Variants in SLC38A8 observed in about 807,000 individuals in gnomAD.
The protein encoded by SLC38A8 is solute carrier family 38 member 8, also known as amino acid transporter SLC38A8.
A neutral mutation model predicts 46.0 loss-of-function variants in SLC38A8; 65 were observed. That is an observed-to-expected ratio of 1.41 (90% CI 1.16 to 1.74). The LOEUF is 1.74. Among genes scored for constraint, SLC38A8 ranks in the 40% most tolerant of loss-of-function variants. SLC38A8 has a pLI of 0.00. For synonymous variants in SLC38A8, 447 were observed against 243.7 expected (o/e 1.83, Z -7.77); for missense variants, 998 against 567.9 (o/e 1.76, Z -7.70).
In SLC38A8 at chr16:84,024,703, C is replaced by G. The variant is rs574597538; in HGVS notation, c.691-1814G>C. 7.9e-5 allele frequency among the ~76,000 whole-genome samples: 12 copies of G among 152,190 alleles called. No homozygotes were observed. In the East Asian group the frequency reaches 2.4e-3, roughly 30 times the overall value. ...GGCTAAGGCAGGAGAGTCGCTCAAGCCTGGGAGGCAGAGTCTCGCTCTGTC... is the reference window on the plus strand; with the variant it reads ...GGCTAAGGCAGGAGAGTCGCTCAAGGCTGGGAGGCAGAGTCTCGCTCTGTC... On this transcript the variant is annotated intron_variant, in intron 6 of 10. Transcript: ENST00000299709.
intron 6 of SLC38A8, among the ~76,000 whole-genome samples, chr16:84,023,483 G>A (rs553831017): frequency 6.6e-6 from 1 of 152,208 alleles, no homozygotes; most frequent in East Asian, 1.9e-4. Flanking sequence ...TGCCCACCAA[G>A]AGCAGAGGGC....
At chr16:84,038,178 G>A (rs2085323356) in intron 2 of SLC38A8, among the ~76,000 whole-genome samples, 1 of 151,972 alleles carries the variant, frequency 6.6e-6, no homozygotes, top group African/African-American at 2.4e-5. Context: ...AGGCATGGTG[G>A]CACATGCCTG....
At chr16:84,012,252 G>A (rs548518119) in intron 10 of SLC38A8, among the ~76,000 whole-genome samples, 10 of 152,334 alleles carry the variant, frequency 6.6e-5, no homozygotes, top group South Asian at 2.1e-4. Context: ...ACCCAGGGGC[G>A]GCTGAGGAAG....
chr16:84,013,435 T>TTTTGTTG (rs2084980913), intron 9 of SLC38A8, among the ~76,000 whole-genome samples: 1 of 130,696 alleles, frequency 7.7e-6, no homozygotes, highest in Non-Finnish European at 1.6e-5. Context: ...TTTTTTTTTT[T>TTTTGTTG]TTTTTTTTTT....
At chr16:84,031,441 C>T (rs1431634802) in intron 5 of SLC38A8, among the ~76,000 whole-genome samples, 2 of 152,212 alleles carry the variant, frequency 1.3e-5, no homozygotes, top group Admixed American at 6.5e-5. Flanking sequence ...AACTCCTCGC[C>T]GTGGCTCTGA....
intron 1 of SLC38A8, 71 bp downstream of exon 1, chr16:84,042,480 C>G (rs532190257): frequency 5.9e-5 from 14 of 237,682 alleles, no homozygotes; most frequent in African/African-American, 2.0e-4. Context: ...CTCTCTCCCC[C>G]CATTCCCATC....
chr16:84,018,694 G>A (rs1056486179), intron 7 of SLC38A8, among the ~76,000 whole-genome samples: 7 of 152,256 alleles, frequency 4.6e-5, no homozygotes, highest in East Asian at 1.9e-4. Flanking sequence ...AAAAGCCTAC[G>A]GATCTTATTA....
At chr16:84,024,763 C>T (rs563193637) in intron 6 of SLC38A8, among the ~76,000 whole-genome samples, 9 of 152,268 alleles carry the variant, frequency 5.9e-5, no homozygotes, top group South Asian at 4.1e-4. Context: ...GAACTTGGCT[C>T]GCCGCAACCT....
chr16:84,019,670 T>C (rs1321979704), intron 7 of SLC38A8, among the ~76,000 whole-genome samples: 3 of 152,198 alleles, frequency 2.0e-5, no homozygotes, highest in Non-Finnish European at 4.4e-5. Context: ...AAGTCTTCAT[T>C]CGCTCCAGCA....
chr16:84,026,332 G>C (rs993845666), intron 6 of SLC38A8, among the ~76,000 whole-genome samples: 5 of 152,114 alleles, frequency 3.3e-5, no homozygotes, highest in Non-Finnish European at 5.9e-5. Context: ...TGGGTTCAAG[G>C]GATTCTGATT....
intron 6 of SLC38A8, among the ~76,000 whole-genome samples, chr16:84,027,264 C>A (rs1021733169): frequency 1.3e-5 from 2 of 152,150 alleles, no homozygotes; most frequent in Admixed American, 6.5e-5. Context: ...GCAGGAGAAT[C>A]GCTTGAACCC....
chr16:84,042,446 C>T (rs1463354079), intron 1 of SLC38A8, 105 bp downstream of exon 1: 1 of 325,618 alleles, frequency 3.1e-6, no homozygotes, highest in Admixed American at 4.6e-5. Flanking sequence ...CCCAAACCCC[C>T]AACCTTCCTC....
chr16:84,027,111 G>T (rs1169866011), intron 6 of SLC38A8, among the ~76,000 whole-genome samples: 3 of 152,108 alleles, frequency 2.0e-5, no homozygotes, highest in African/African-American at 7.2e-5. Flanking sequence ...CAGCACTTTG[G>T]GAGGCTGAGG....
chr16:84,018,893 G>C (rs571855868), intron 7 of SLC38A8, among the ~76,000 whole-genome samples: 1 of 152,134 alleles, frequency 6.6e-6, no homozygotes, highest in East Asian at 1.9e-4. Context: ...ACTAGCAGAA[G>C]CTAAGGCTAG....
chr16:84,038,101 G>C (rs185965681), intron 2 of SLC38A8, among the ~76,000 whole-genome samples: 2 of 151,168 alleles, frequency 1.3e-5, no homozygotes, highest in African/African-American at 4.9e-5. Context: ...ACCTGAGGTC[G>C]GGAGTTTGAG....
intron 8 of SLC38A8, 30 bp from the exon 9 acceptor site, chr16:84,016,757 G>A (rs1383146848): frequency 6.3e-7 from 1 of 1,597,680 alleles, no homozygotes. Flanking sequence ...CAGACACATG[G>A]GCATCTCAGG....
intron 10 of SLC38A8, among the ~76,000 whole-genome samples, chr16:84,010,440 T>C (rs2084940161): frequency 6.6e-6 from 1 of 151,872 alleles, no homozygotes; most frequent in African/African-American, 2.4e-5. Context: ...CAGTATTTTA[T>C]CAAATAAAAA....
At chr16:84,019,693 T>A (rs1227600256) in intron 7 of SLC38A8, among the ~76,000 whole-genome samples, 1 of 152,072 alleles carries the variant, frequency 6.6e-6, no homozygotes, top group East Asian at 1.9e-4. Flanking sequence ...AACTCAGAGG[T>A]CCAAAGTCCA....
intron 5 of SLC38A8, 113 bp downstream of exon 5, chr16:84,031,754 G>A: frequency 1.2e-6 from 1 of 855,974 alleles, no homozygotes; most frequent in Non-Finnish European, 1.9e-6. Context: ...TGGAAGGAAG[G>A]AGCCCAGGCT....
Sources: allele counts gnomAD v4.1 joint callset (sites outside exome capture counted in the v4.1 genomes callset), GRCh38; gene constraint gnomAD v4.1.1; transcripts MANE v1.5; gene names NCBI Gene and HGNC (gene_info 2026-07-23, HGNC 2026-07-21).